ITSN2: variants seen among roughly 807,000 people sequenced by gnomAD.
ITSN2 encodes intersectin-2.
A neutral mutation model predicts 243.7 loss-of-function variants in ITSN2; 156 were observed. The ratio of observed to expected loss-of-function variants is 0.64; its 90% CI spans 0.56 to 0.73. The LOEUF is 0.73. Ranked by LOEUF, ITSN2 falls within the 30% of genes least tolerant of loss-of-function variation. The probability of loss-of-function intolerance (pLI) is 0.00; values close to 1 mark genes in which losing one functional copy is unlikely to be tolerated. For missense variants in ITSN2, 1,801 were observed against 1,996.1 expected (o/e 0.90, Z 1.86); for synonymous variants, 703 against 699.9 (o/e 1.00, Z -0.07).
chr2:24,261,533 T>C, intron 21 of ITSN2, 28 bp downstream of exon 21: 1 of 1,546,908 alleles, frequency 6.5e-7, no homozygotes. Flanking sequence ...CAGATCTATA[T>C]AAACTTTACT....
At chr2:24,208,646 G>A (rs1004234976) in intron 36 of ITSN2, among the ~76,000 whole-genome samples, 1 of 152,204 alleles carries the variant, frequency 6.6e-6, no homozygotes, top group Non-Finnish European at 1.5e-5. Context: ...CCGGGTTGGC[G>A]CCGCGGAGGC....
At chr2:24,268,999 CTTGTT>C in intron 20 of ITSN2, among the ~76,000 whole-genome samples, 1 of 152,014 alleles carries the variant, frequency 6.6e-6, no homozygotes. Context: ...TTTTTTAGTC[CTTGTT>C]TTATTTCACT....
intron 20 of ITSN2, among the ~76,000 whole-genome samples, chr2:24,262,361 T>A (rs1158432216): frequency 6.6e-6 from 1 of 152,236 alleles, no homozygotes; most frequent in Non-Finnish European, 1.5e-5. Flanking sequence ...CATTACTTTT[T>A]TTGTTTTTGG....
intron 37 of ITSN2, chr2:24,206,396 G>C (rs62139985): frequency 2.5e-5 from 6 of 239,884 alleles, no homozygotes; most frequent in Admixed American, 2.0e-4. Flanking sequence ...GATGCAGGGG[G>C]CCGGCGGGGA....
chr2:24,221,359 C>A, intron 29 of ITSN2: 2 of 310,904 alleles, frequency 6.4e-6, no homozygotes, highest in East Asian at 9.1e-5. Context: ...CACCTCAAGA[C>A]ATTTTTCGAA....
At chr2:24,231,009 A>ACC (rs1491339336) in intron 29 of ITSN2, among the ~76,000 whole-genome samples, 31 of 164 alleles carry the variant, frequency 0.19, no homozygotes, top group African/African-American at 0.33. Context: ...TTGCAGGTGC[A>ACC]AAATCTGCCC....
chr2:24,266,076 C>T (rs1032652398), intron 20 of ITSN2, among the ~76,000 whole-genome samples: 1 of 152,184 alleles, frequency 6.6e-6, no homozygotes, highest in Non-Finnish European at 1.5e-5. Flanking sequence ...CTGTAAAGCA[C>T]TAAGCAAATA....
Position 24,210,871 on chromosome 2 carries a change from C to G in ITSN2, c.4166G>C (p.Cys1389Ser). ...KLALERAEELCSQVNEGVREK... is the reference protein window; with the variant it reads ...KLALERAEELSSQVNEGVREK... ...CCGAACTCCCTCATTCACTTGAGAG[C>G]ACAGCTCCTCTGCCCGCTCGAGGGC... Residue 1389 changes from cysteine (C) to serine (S), a missense_variant, in exon 34 of 40, where the codon TGC becomes TCC. Coordinates refer to ENST00000355123, the MANE Select transcript of ITSN2 (RefSeq NM_006277.3). 1 of 1,614,170 alleles carries G rather than the reference C, an allele frequency of 6.2e-7. No individual in the cohort carries two copies. The highest frequency in any genetic ancestry group is 8.5e-7 in the Non-Finnish European group (1 of 1,180,036).
Position 24,312,246 on chromosome 2 carries a change from G to A in ITSN2, c.318C>T (p.Pro106=), listed in dbSNP as rs1275729367. 6.2e-7 allele frequency: 1 copy of A among 1,612,232 alleles called. No individual in the cohort carries two copies. The highest frequency in any genetic ancestry group is 2.2e-5 in the East Asian group (1 of 44,814). Residue 106 remains proline (P), a synonymous_variant, in exon 5 of 40, where the codon CCC becomes CCT. Transcript: ENST00000355123. ...PVVLPPIMKQ[P]PMFSPLISAR... is the part of the protein sequence containing the mutation. ...CAGAAATTAATGGAGAAAACATAGG[G>A]GGTTGCTTCATAATAGGAGGGAGAA... is the stretch of plus-strand genomic sequence containing the variant.
At chr2:24,332,906 GT>G (rs1352931462) in intron 1 of ITSN2, among the ~76,000 whole-genome samples, 2 of 152,194 alleles carry the variant, frequency 1.3e-5, no homozygotes, top group Non-Finnish European at 2.9e-5. Flanking sequence ...GTCATGCTGA[GT>G]ATTCATTGAG....
intron 29 of ITSN2, among the ~76,000 whole-genome samples, chr2:24,245,440 G>A (rs1417784632): frequency 2.0e-5 from 3 of 151,574 alleles, no homozygotes; most frequent in African/African-American, 7.3e-5. Context: ...CACTAAAAGA[G>A]TAATTTTGAA....
intron 1 of ITSN2, among the ~76,000 whole-genome samples, chr2:24,332,943 A>C (rs1685948920): frequency 6.6e-6 from 1 of 152,220 alleles, no homozygotes; most frequent in African/African-American, 2.4e-5. Context: ...GTTCTGCAGA[A>C]GGAGCTTCAG....
intron 1 of ITSN2, among the ~76,000 whole-genome samples, chr2:24,344,367 A>G (rs1239936292): frequency 6.6e-6 from 1 of 152,178 alleles, no homozygotes; most frequent in Non-Finnish European, 1.5e-5. Context: ...TATTAATAGT[A>G]CCATTTTATA....
At chr2:24,246,592 C>T (rs537987723) in intron 28 of ITSN2, among the ~76,000 whole-genome samples, 1 of 152,066 alleles carries the variant, frequency 6.6e-6, no homozygotes, top group Admixed American at 6.6e-5. Flanking sequence ...TTCAAAGAGT[C>T]GAAGTGGTTC....
chr2:24,262,392 T>C (rs957503566), intron 20 of ITSN2, among the ~76,000 whole-genome samples: 1 of 152,206 alleles, frequency 6.6e-6, no homozygotes, highest in South Asian at 2.1e-4. Context: ...TCTGTTCCTG[T>C]TACACAGTTT....
In ITSN2 at chr2:24,328,115, T is replaced by A. The variant is rs1284821393; in HGVS notation, c.-33A>T. 1.9e-6 allele frequency: 3 copies of A among 1,611,580 alleles called. No homozygotes were observed. Among genetic ancestry groups the A allele is most frequent in the South Asian group, 1.1e-5 (1 of 90,888 alleles). ...AGTTTTCCTTGCTAGCTCTCAGCCA[T>A]CTGCAACATAAAAATATTGTGCCGT... On this transcript the variant is annotated splice_region_variant and 5_prime_UTR_variant, in exon 2 of 40. An upstream start codon of the reference 5' UTR is lost. Transcript: ENST00000355123.
chr2:24,267,567 T>C (rs1249722944), intron 20 of ITSN2, among the ~76,000 whole-genome samples: 2 of 152,110 alleles, frequency 1.3e-5, no homozygotes. Context: ...CTGGCTGACT[T>C]TTCAGACAGG....
In ITSN2 at chr2:24,225,734, C is replaced by T. The variant is rs1670970276; in HGVS notation, c.3578-4668G>A. On this transcript the variant is annotated intron_variant, in intron 29 of 39. Coordinates refer to ENST00000355123, the MANE Select transcript of ITSN2 (RefSeq NM_006277.3). The surrounding 1 kb of genome is among the most constrained non-coding windows in gnomAD (Gnocchi z 4.2). ...ATATCTCACTCGCAGGGCCCCAGTGCACATTAGCCTATTAGGCAGTGAGAA... is the reference window on the plus strand; with the variant it reads ...ATATCTCACTCGCAGGGCCCCAGTGTACATTAGCCTATTAGGCAGTGAGAA... Among the ~76,000 whole-genome samples the T allele has an allele frequency of 6.6e-6, 1 of 152,154 alleles. No individual in the cohort carries two copies. Among genetic ancestry groups the T allele is most frequent in the Non-Finnish European group, 1.5e-5 (1 of 68,022 alleles).
chr2:24,239,532 T>C (rs1250502060), intron 29 of ITSN2: 1 of 152,038 alleles, frequency 6.6e-6, no homozygotes. Flanking sequence ...ACCTAAAAGG[T>C]TTAATCAAAT....
Sources: allele counts gnomAD v4.1 joint callset (sites outside exome capture counted in the v4.1 genomes callset), GRCh38; gene constraint gnomAD v4.1.1; non-coding constraint Gnocchi (gnomAD v3.1); transcripts MANE v1.5; gene names NCBI Gene and HGNC (gene_info 2026-07-23, HGNC 2026-07-21).